The following DIAPH2 variants were observed in gnomAD, a reference collection of about 807,000 sequenced individuals.
The protein encoded by DIAPH2 is diaphanous related formin 2.
Under a neutral mutation model 92.7 loss-of-function variants are expected in DIAPH2, and 35 were observed. The observed-to-expected ratio is 0.38, with a 90% CI of 0.29 to 0.50. DIAPH2 has a LOEUF of 0.50. Among genes scored for constraint, DIAPH2 ranks in the 20% least tolerant of loss-of-function variants. The pLI is 0.94. For missense variants in DIAPH2, 701 were observed against 819.5 expected, an observed-to-expected ratio of 0.86 and a Z score of 1.77; for synonymous variants, 301 against 280.4, an observed-to-expected ratio of 1.07 and a Z score of -0.73.
At chrX:97,365,911 G>GCTGGTC (rs1345990088) in intron 24 of DIAPH2, among the ~76,000 whole-genome samples, 9 of 110,198 alleles carry the variant, frequency 8.2e-5, no homozygotes, top group African/African-American at 3.0e-4. Context: ...TGTTGGCCAG[G>GCTGGTC]CTGGTCTCGA....
chrX:97,523,961 A>C (rs1251552531), intron 26 of DIAPH2, among the ~76,000 whole-genome samples: 1 of 111,937 alleles, frequency 8.9e-6, no homozygotes, highest in Non-Finnish European at 1.9e-5. Flanking sequence ...ATTTCTTTTA[A>C]GAAAAAGAAA....
chrX:97,171,562 T>G (rs896983960), intron 22 of DIAPH2, among the ~76,000 whole-genome samples: 4 of 112,006 alleles, frequency 3.6e-5, no homozygotes, highest in African/African-American at 1.3e-4. Flanking sequence ...GGAAGGGCAG[T>G]TCTCTGACAG....
At chrX:96,968,065 G>GTT (rs781460481) in intron 17 of DIAPH2, among the ~76,000 whole-genome samples, 9 of 103,260 alleles carry the variant, frequency 8.7e-5, no homozygotes, top group African/African-American at 3.1e-4. Flanking sequence ...ATCTGTTTGG[G>GTT]TTTTTTTTTT....
intron 4 of DIAPH2, among the ~76,000 whole-genome samples, chrX:96,818,001 A>AT (rs1180241200): frequency 1.4e-5 from 1 of 71,857 alleles, no homozygotes; most frequent in Non-Finnish European, 2.6e-5. Context: ...GCTTTTTTTG[A>AT]GACGGAGTCT....
intron 25 of DIAPH2, among the ~76,000 whole-genome samples, chrX:97,410,853 GA>G (rs2069863724): frequency 1.8e-5 from 2 of 111,538 alleles, no homozygotes; most frequent in Admixed American, 9.5e-5. Context: ...GAAGTTCAAA[GA>G]AAAAAGAGTA....
At chrX:97,072,019 A>G (rs1450901080) in intron 17 of DIAPH2, among the ~76,000 whole-genome samples, 1 of 112,083 alleles carries the variant, frequency 8.9e-6, no homozygotes, top group Non-Finnish European at 1.9e-5. Context: ...ATATTTTCTG[A>G]TGGCCCCATT....
chrX:97,033,802 A>G (rs2066392493), intron 17 of DIAPH2, among the ~76,000 whole-genome samples: 1 of 111,373 alleles, frequency 9.0e-6, no homozygotes, highest in Non-Finnish European at 1.9e-5. Flanking sequence ...GATGATGATA[A>G]AGTTATGAGT....
chrX:97,446,838 G>A (rs1459344351), intron 26 of DIAPH2, among the ~76,000 whole-genome samples: 1 of 101,695 alleles, frequency 9.8e-6, no homozygotes, highest in Non-Finnish European at 2.0e-5. Context: ...AATTGGGTGG[G>A]TTATAAAAGT....
intron 5 of DIAPH2, among the ~76,000 whole-genome samples, chrX:96,882,975 AAAAAAAAACAAAAAAAC>A (rs2065227260): frequency 3.8e-5 from 2 of 53,067 alleles, no homozygotes; most frequent in African/African-American, 4.1e-5. Context: ...AAAAAAAAAA[AAAAAAAAACAAAAAAAC>A]AAAAATCCGG....
chrX:97,332,246 G>A (rs1327765497), intron 23 of DIAPH2, among the ~76,000 whole-genome samples: 1 of 111,894 alleles, frequency 8.9e-6, no homozygotes, highest in Non-Finnish European at 1.9e-5. Context: ...GAACCTTGCA[G>A]AATTTCTACT....
intron 5 of DIAPH2, among the ~76,000 whole-genome samples, chrX:96,888,864 G>C (rs192171624): frequency 2.5e-5 from 2 of 78,451 alleles, no homozygotes; most frequent in South Asian, 5.5e-4. Flanking sequence ...TCAGTGTTAA[G>C]ATTTAAACCC....
chrX:96,920,740 A>C (rs2065537055), intron 9 of DIAPH2, among the ~76,000 whole-genome samples: 1 of 112,631 alleles, frequency 8.9e-6, no homozygotes, highest in Admixed American at 9.4e-5. Flanking sequence ...TAAAGTGACA[A>C]ATTGTTAACA....
rs1390908908 is a variant in DIAPH2 at position 97,395,466 on chromosome X, G to T, written c.3145+11422G>T. Among the ~76,000 whole-genome samples, 3 of 111,934 alleles carry T rather than the reference G, an allele frequency of 2.7e-5. No individual in the cohort carries two copies. In the East Asian group the frequency reaches 8.4e-4, roughly 31 times the overall value. ...GGTAGATCATTAGGATTTCGTTATT[G>T]TCTCTGGGCCATTATTCAGAGCATC... On this transcript the variant is annotated intron_variant, in intron 25 of 26. Coordinates refer to ENST00000324765, the MANE Select transcript of DIAPH2 (RefSeq NM_006729.5).
At chrX:96,732,480 G>T (rs1248279125) in intron 1 of DIAPH2, among the ~76,000 whole-genome samples, 1 of 111,761 alleles carries the variant, frequency 8.9e-6, no homozygotes, top group Non-Finnish European at 1.9e-5. Flanking sequence ...ATTTTTACAT[G>T]AGGGAAATCT....
Position 97,487,465 on chromosome X carries a change from G to A in DIAPH2, c.3241+57720G>A, listed in dbSNP as rs555767340. 7.2e-5 allele frequency among the ~76,000 whole-genome samples: 8 copies of A among 110,461 alleles called. No homozygotes were observed. In the South Asian group the frequency reaches 3.2e-3, roughly 44 times the overall value. Reference sequence around the variant, plus strand: ...CATTTTTTGTATCTTTAGTAGAGACGGGGTTTCACCATGTTAGCCAGGATG... The same window carrying A: ...CATTTTTTGTATCTTTAGTAGAGACAGGGTTTCACCATGTTAGCCAGGATG... On this transcript the variant is annotated intron_variant, in intron 26 of 26. Coordinates refer to ENST00000324765, the MANE Select transcript of DIAPH2 (RefSeq NM_006729.5).
At chrX:96,717,514 G>A (rs2063957259) in intron 1 of DIAPH2, among the ~76,000 whole-genome samples, 2 of 102,166 alleles carry the variant, frequency 2.0e-5, no homozygotes, top group South Asian at 4.4e-4. Flanking sequence ...ATTATGAAAT[G>A]ACCCTTTTTA....
At chrX:96,912,677 C>T (rs1217951821) in intron 7 of DIAPH2, 125 bp downstream of exon 7, 6 of 795,921 alleles carry the variant, frequency 7.5e-6, no homozygotes, top group East Asian at 4.0e-5. Context: ...TGTATATAGG[C>T]GAACATGTGC....
intron 17 of DIAPH2, among the ~76,000 whole-genome samples, chrX:97,024,263 T>C (rs144891703): frequency 5.7e-3 from 632 of 110,467 alleles, no homozygotes; most frequent in Middle Eastern, 9.4e-3. Context: ...AAATATGATA[T>C]TGCATTTAAT....
chrX:97,222,652 A>C (rs1166888323), intron 22 of DIAPH2, among the ~76,000 whole-genome samples: 1 of 112,315 alleles, frequency 8.9e-6, no homozygotes, highest in East Asian at 2.8e-4. Flanking sequence ...TTTCTCCTAA[A>C]TTCGCTTTAA....
Sources: gnomAD v4.1 joint callset for allele counts (sites outside exome capture counted in the v4.1 genomes callset) on GRCh38, gnomAD v4.1.1 for gene constraint, MANE v1.5 for transcripts, NCBI Gene and HGNC (gene_info 2026-07-23, HGNC 2026-07-21) for gene names.